SLC45A1: variants seen among roughly 807,000 people sequenced by gnomAD.
SLC45A1 encodes the protein solute carrier family 45 member 1, also known as proton-associated sugar transporter A.
SLC45A1 carries 28 observed loss-of-function variants against 57.6 expected under a neutral mutation model. That is an observed-to-expected ratio of 0.49 (90% CI 0.36 to 0.67). The LOEUF (loss-of-function observed/expected upper bound fraction) is 0.67. Among genes scored for constraint, SLC45A1 ranks in the 30% least tolerant of loss-of-function variants. SLC45A1 has a pLI of 0.00. For missense variants in SLC45A1, 814 were observed against 1,041.5 expected, an observed-to-expected ratio of 0.78 and a Z score of 3.01; for synonymous variants, 459 against 471.5, an observed-to-expected ratio of 0.97 and a Z score of 0.34.
chr1:8,327,231 C>T lies in SLC45A1; in HGVS notation c.715+1189C>T, dbSNP rs1640232381. On this transcript the variant is annotated intron_variant, in intron 4 of 8. Transcript: ENST00000471889. This position sits in a 1 kb window ranked among gnomAD's most constrained non-coding sequence, Gnocchi z 4.3. ...AGATAATGAGGATTGAGTGTGTGTG[C>T]ATGGACACACACACGACTATATCCA... is the stretch of plus-strand genomic sequence containing the variant. 6.6e-6 allele frequency among the ~76,000 whole-genome samples: 1 copy of T among 150,954 alleles called. No individual in the cohort carries two copies. The highest frequency in any genetic ancestry group is 2.5e-5 in the African/African-American group (1 of 40,708).
rs552541561 is a variant in SLC45A1 at position 8,343,763 on chromosome 1, C to G, written c.1997C>G (p.Ala666Gly). 21 of 1,613,114 alleles carry G rather than the reference C, an allele frequency of 1.3e-5. No homozygotes were observed. The highest frequency in any genetic ancestry group is 1.6e-5 in the Non-Finnish European group (19 of 1,179,456). ...YQSKKFAGSSADGTRRGMGVD... is the reference protein window; with the variant it reads ...YQSKKFAGSSGDGTRRGMGVD... ...CTGGGTCAGTTTGCAGGGTCCAGTG[C>G]GGACGGCACCCGGCGGGGCATGGGC... The change falls in exon 9 of 9, where the codon GCG becomes GGG. Residue 666 changes from alanine (A) to glycine (G), a missense_variant. Coordinates refer to ENST00000471889, the MANE Select transcript of SLC45A1 (RefSeq NM_001080397.3). This position sits in a 1 kb window ranked among gnomAD's most constrained non-coding sequence, Gnocchi z 7.7.
intron 5 of SLC45A1, among the ~76,000 whole-genome samples, chr1:8,331,961 T>G (rs151316224): frequency 0.022 from 3,342 of 152,064 alleles, 130 homozygotes; most frequent in African/African-American, 0.076. Flanking sequence ...CCTGGCTAAT[T>G]TTTTGTATTT....
intron 7 of SLC45A1, 21 bp from the exon 8 acceptor site, chr1:8,339,472 C>A (rs559345478): frequency 1.2e-6 from 2 of 1,613,432 alleles, no homozygotes; most frequent in South Asian, 2.2e-5. Flanking sequence ...TGGCACTGCT[C>A]ACCCTCTCTG....
intron 6 of SLC45A1, among the ~76,000 whole-genome samples, chr1:8,337,137 A>C (rs1278680121): frequency 6.6e-6 from 1 of 152,220 alleles, no homozygotes; most frequent in Non-Finnish European, 1.5e-5. Context: ...GCTGGGGAGG[A>C]CTCACAATCA....
chr1:8,324,329 G>A lies in SLC45A1; in HGVS notation c.-1G>A, dbSNP rs988994344. 1.1e-5 allele frequency: 17 copies of A among 1,610,740 alleles called. No individual in the cohort carries two copies. Among genetic ancestry groups the A allele is most frequent in the Admixed American group, 1.7e-5 (1 of 59,928 alleles). On this transcript the variant is annotated 5_prime_UTR_variant, in exon 2 of 9. Transcript: ENST00000471889. ...AGGGACGCCCACCAGCCCTCCCCAC[G>A]ATGATCCCCGCAGCCAGCAGCACCC...
chr1:8,320,954 T>C (rs1639994552), intron 1 of SLC45A1, among the ~76,000 whole-genome samples: 1 of 152,204 alleles, frequency 6.6e-6, no homozygotes, highest in Non-Finnish European at 1.5e-5. Flanking sequence ...GGCTGTGACC[T>C]TTGGGCGGAG....
chr1:8,326,046 A>G lies in SLC45A1; in HGVS notation c.715+4A>G. 6.3e-7 allele frequency: 1 copy of G among 1,599,580 alleles called. No individual in the cohort carries two copies. Among genetic ancestry groups the G allele is most frequent in the East Asian group, 2.2e-5 (1 of 44,872 alleles). Reference sequence around the variant, plus strand: ...AACATCCACGCCCTCCTGGCAGGTGAGTCTCCGCAGCAGGGCCGAAGCTGA... The same window carrying G: ...AACATCCACGCCCTCCTGGCAGGTGGGTCTCCGCAGCAGGGCCGAAGCTGA... On this transcript the variant is annotated splice_donor_region_variant and intron_variant, in intron 4 of 8. Coordinates refer to ENST00000471889, the MANE Select transcript of SLC45A1 (RefSeq NM_001080397.3). This position sits in a 1 kb window ranked among gnomAD's most constrained non-coding sequence, Gnocchi z 5.5.
Position 8,325,371 on chromosome 1 carries a change from C to T in SLC45A1, c.471C>T (p.Phe157=). ...CTSRFGRRRP[F]ILVLAIGALL... ...CAAGGTTTGGAAGGAGACGCCCTTT[C>T]ATTCTTGTCCTGGCTATAGGTCTGT... is the stretch of plus-strand genomic sequence containing the variant. Residue 157 remains phenylalanine, a synonymous_variant, in exon 3 of 9, where the codon TTC becomes TTT. Coordinates refer to ENST00000471889, the MANE Select transcript of SLC45A1 (RefSeq NM_001080397.3). This position sits in a 1 kb window ranked among gnomAD's most constrained non-coding sequence, Gnocchi z 6.3. 6.2e-7 allele frequency: 1 copy of T among 1,611,206 alleles called. No homozygotes were observed. The highest frequency in any genetic ancestry group is 1.1e-5 in the South Asian group (1 of 91,018).
intron 5 of SLC45A1, among the ~76,000 whole-genome samples, chr1:8,334,335 G>A (rs1014437277): frequency 4.6e-5 from 7 of 152,242 alleles, no homozygotes; most frequent in Non-Finnish European, 8.8e-5. Context: ...CTGGGAGCCG[G>A]CACTGCGGCC....
intron 1 of SLC45A1, among the ~76,000 whole-genome samples, chr1:8,322,206 G>A (rs1269481265): frequency 4.4e-4 from 58 of 132,148 alleles, no homozygotes; most frequent in East Asian, 7.2e-4. Flanking sequence ...TGAGTGGGTG[G>A]ATGGATGGGT....
intron 8 of SLC45A1, among the ~76,000 whole-genome samples, chr1:8,341,176 G>A (rs1176971152): frequency 2.7e-5 from 4 of 148,766 alleles, no homozygotes; most frequent in Admixed American, 1.3e-4. Flanking sequence ...CTCCAGCCTG[G>A]GCGACAGAGC....
At chr1:8,340,812 G>C (rs1179061994) in intron 8 of SLC45A1, among the ~76,000 whole-genome samples, 1 of 152,146 alleles carries the variant, frequency 6.6e-6, no homozygotes. Flanking sequence ...AAAAGGATAT[G>C]GTACCCGTCC....
At position 8,323,559 on chromosome 1, in the gene SLC45A1, T is replaced by C. The variant is rs115249159; in HGVS notation, c.-24-747T>C. Among the ~76,000 whole-genome samples, 932 of 151,928 alleles carry C rather than the reference T, an allele frequency of 6.1e-3. 6 individuals are homozygous for C. Among genetic ancestry groups the C allele is most frequent in the African/African-American group, 0.021 (883 of 41,414 alleles). On this transcript the variant is annotated intron_variant, in intron 1 of 8. Coordinates refer to ENST00000471889, the MANE Select transcript of SLC45A1 (RefSeq NM_001080397.3). ...GGATCTGTTTCTCAGCTCTCCCTGG[T>C]TCTGTCCCTCTGCATTCGCATGTTG...
At chr1:8,332,488 G>A (rs58286176) in intron 5 of SLC45A1, among the ~76,000 whole-genome samples, 40,539 of 151,376 alleles carry the variant, frequency 0.27, 6,118 homozygotes, top group East Asian at 0.66. Flanking sequence ...GCCACCAACT[G>A]ATCTGTGGGG....
chr1:8,320,040 CT>C (rs1404083377), intron 1 of SLC45A1, among the ~76,000 whole-genome samples: 1 of 152,126 alleles, frequency 6.6e-6, no homozygotes, highest in African/African-American at 2.4e-5. Flanking sequence ...TTCTAAAATT[CT>C]TCTTATGATA....
chr1:8,337,481 C>T (rs370914272), intron 6 of SLC45A1, among the ~76,000 whole-genome samples: 10 of 152,282 alleles, frequency 6.6e-5, no homozygotes, highest in East Asian at 5.8e-4. Context: ...GGCAGTGGCG[C>T]GATCTCAGCT....
intron 8 of SLC45A1, among the ~76,000 whole-genome samples, chr1:8,341,835 G>C (rs894528346): frequency 2.5e-4 from 38 of 151,998 alleles, no homozygotes; most frequent in Non-Finnish European, 4.6e-4. Context: ...CAGGAGAATG[G>C]CTTGAACCTG....
At chr1:8,336,435 A>G (rs958693350) in intron 6 of SLC45A1, among the ~76,000 whole-genome samples, 11 of 151,944 alleles carry the variant, frequency 7.2e-5, no homozygotes, top group African/African-American at 2.7e-4. Context: ...AGAATTTGAG[A>G]TAATCTGGGG....
chr1:8,327,824 C>T lies in SLC45A1; in HGVS notation c.715+1782C>T, dbSNP rs1331061173. On this transcript the variant is annotated intron_variant, in intron 4 of 8. Coordinates refer to ENST00000471889, the MANE Select transcript of SLC45A1 (RefSeq NM_001080397.3). The surrounding 1 kb of genome is among the most constrained non-coding windows in gnomAD (Gnocchi z 4.3). The stretch of plus-strand genomic sequence containing the variant: ...AGTGGGTGAATCACTTGAGGTCAGG[C>T]GTTCAAGACCAGCCTGGCCAACATG... 3.3e-5 allele frequency among the ~76,000 whole-genome samples: 5 copies of T among 151,928 alleles called. No homozygotes were observed. The South Asian group carries it at 6.2e-4, about 19-fold the overall frequency.
Sources: allele counts gnomAD v4.1 joint callset (sites outside exome capture counted in the v4.1 genomes callset), GRCh38; gene constraint gnomAD v4.1.1; non-coding constraint Gnocchi (gnomAD v3.1); transcripts MANE v1.5; gene names NCBI Gene and HGNC (gene_info 2026-07-23, HGNC 2026-07-21).